The following SLC4A8 variants were observed in gnomAD, a reference collection of about 807,000 sequenced individuals.
The protein encoded by SLC4A8 is electroneutral sodium bicarbonate exchanger 1.
Under a neutral mutation model 125.0 loss-of-function variants are expected in SLC4A8, and 40 were observed. The ratio of observed to expected loss-of-function variants is 0.32; its 90% CI spans 0.25 to 0.42. The LOEUF is 0.42. SLC4A8 is among the 10% of genes least tolerant of loss of function. The pLI is 1.00. For synonymous variants in SLC4A8, 456 were observed against 476.0 expected, an observed-to-expected ratio of 0.96 and a Z score of 0.55; for missense variants, 863 against 1,355.1, an observed-to-expected ratio of 0.64 and a Z score of 5.70.
At chr12:51,464,946 G>A (rs532900916) in intron 11 of SLC4A8, among the ~76,000 whole-genome samples, 16 of 152,296 alleles carry the variant, frequency 1.1e-4, no homozygotes, top group Admixed American at 8.5e-4. Context: ...TGGAGGGTAG[G>A]GGAAGATAGC....
intron 19 of SLC4A8, among the ~76,000 whole-genome samples, chr12:51,491,683 G>A (rs899156447): frequency 1.3e-4 from 20 of 151,330 alleles, no homozygotes; most frequent in African/African-American, 3.9e-4. Context: ...TTACATGTAA[G>A]TTAAATTACA....
In SLC4A8 at chr12:51,507,454, T is replaced by C. The variant is rs1592286688; in HGVS notation, c.*16T>C. On this transcript the variant is annotated 3_prime_UTR_variant, in exon 25 of 25. Coordinates refer to ENST00000453097, the MANE Select transcript of SLC4A8 (RefSeq NM_001039960.3). Reference sequence around the variant, plus strand: ...CTTCAACTAAGAGTCTTTGCTGGGATGGAAGATTTGGGCCGTGTGGTGCCT... The same window carrying C: ...CTTCAACTAAGAGTCTTTGCTGGGACGGAAGATTTGGGCCGTGTGGTGCCT... 2 of 1,390,118 alleles carry C rather than the reference T, an allele frequency of 1.4e-6. No individual in the cohort carries two copies. The highest frequency in any genetic ancestry group is 2.7e-5 in the Admixed American group (1 of 37,090). 86.1% of individuals were successfully genotyped at this position (1,390,118 alleles called of 1,614,324 possible). A position where few individuals can be genotyped will look rare whatever the true frequency, so the allele number is the denominator to read the frequency against.
chr12:51,479,968 AATT>A, intron 16 of SLC4A8: 1 of 343,388 alleles, frequency 2.9e-6, no homozygotes, highest in South Asian at 1.9e-5. Context: ...GTATAAATGG[AATT>A]TTTTTTTTTT....
chr12:51,493,662 A>G (rs1236564752), intron 19 of SLC4A8, 42 bp from the exon 20 acceptor site: 2 of 1,323,734 alleles, frequency 1.5e-6, no homozygotes, highest in Admixed American at 1.7e-5. Flanking sequence ...GTGCTATGAT[A>G]CCAAATTTAA....
At chr12:51,434,862 T>C (rs1470578593) in intron 1 of SLC4A8, among the ~76,000 whole-genome samples, 1 of 152,218 alleles carries the variant, frequency 6.6e-6, no homozygotes, top group East Asian at 1.9e-4. Context: ...TATATAGTTT[T>C]ATGAGAAAAC....
chr12:51,500,788 G>A (rs1440233595), intron 22 of SLC4A8, among the ~76,000 whole-genome samples: 1 of 150,928 alleles, frequency 6.6e-6, no homozygotes, highest in African/African-American at 2.4e-5. Flanking sequence ...CCGGGTTCAC[G>A]CCATTCTCCT....
chr12:51,424,283 T>G (rs567032282), upstream of SLC4A8, among the ~76,000 whole-genome samples: 1 of 152,076 alleles, frequency 6.6e-6, no homozygotes, highest in Non-Finnish European at 1.5e-5. Flanking sequence ...TTTTGTGGAA[T>G]TGCTTCAACA....
chr12:51,453,088 G>A (rs564516225), intron 4 of SLC4A8, among the ~76,000 whole-genome samples: 23 of 152,220 alleles, frequency 1.5e-4, no homozygotes, highest in Middle Eastern at 3.4e-3. Context: ...GGTCACACAG[G>A]ACAATGATAA....
chr12:51,400,073 G>C (rs943312729), intron 1 of SLC4A8, among the ~76,000 whole-genome samples: 1 of 152,024 alleles, frequency 6.6e-6, no homozygotes, highest in Non-Finnish European at 1.5e-5. Flanking sequence ...TGGGTGGAGT[G>C]GGCAGAGGCC....
chr12:51,444,439 G>C (rs922922502), intron 2 of SLC4A8, among the ~76,000 whole-genome samples: 4 of 152,144 alleles, frequency 2.6e-5, no homozygotes, highest in African/African-American at 9.7e-5. Flanking sequence ...CAAAAGACAG[G>C]CATTGCGATT....
intron 22 of SLC4A8, among the ~76,000 whole-genome samples, chr12:51,498,118 A>G (rs536618263): frequency 7.5e-4 from 114 of 152,130 alleles, no homozygotes; most frequent in Non-Finnish European, 1.3e-3. Flanking sequence ...ATTTCTAAAT[A>G]AGCTTCAACA....
intron 22 of SLC4A8, chr12:51,497,567 ACT>A: frequency 6.3e-6 from 1 of 157,612 alleles, no homozygotes; most frequent in Non-Finnish European, 1.4e-5. Context: ...TTCCCTCAGC[ACT>A]TGGCATCTTG....
chr12:51,394,529 G>GT (rs1948222422), intron 1 of SLC4A8, among the ~76,000 whole-genome samples: 1 of 152,152 alleles, frequency 6.6e-6, no homozygotes, highest in African/African-American at 2.4e-5. Flanking sequence ...TCGAAAAATG[G>GT]TTTTTTAGGC....
At chr12:51,500,931 A>G (rs987070490) in intron 22 of SLC4A8, among the ~76,000 whole-genome samples, 1 of 150,680 alleles carries the variant, frequency 6.6e-6, no homozygotes, top group African/African-American at 2.4e-5. Flanking sequence ...CACAACGTGC[A>G]GGTTTGTTAC....
chr12:51,457,111 A>C (rs1177531837), intron 5 of SLC4A8, among the ~76,000 whole-genome samples: 1 of 152,216 alleles, frequency 6.6e-6, no homozygotes, highest in Non-Finnish European at 1.5e-5. Flanking sequence ...AAATTGTTGT[A>C]CTAGTGCTCA....
At chr12:51,407,402 T>A (rs1394591314) in intron 1 of SLC4A8, among the ~76,000 whole-genome samples, 1 of 151,948 alleles carries the variant, frequency 6.6e-6, no homozygotes, top group African/African-American at 2.4e-5. Context: ...ACTACAGGCA[T>A]GCATCACCAT....
intron 3 of SLC4A8, among the ~76,000 whole-genome samples, chr12:51,451,912 G>T (rs1183128659): frequency 1.3e-5 from 2 of 152,104 alleles, no homozygotes; most frequent in African/African-American, 2.4e-5. Context: ...CCAGTTTCTC[G>T]TGGGTTTTCT....
chr12:51,395,665 C>T (rs907349), intron 1 of SLC4A8, among the ~76,000 whole-genome samples: 38,934 of 152,072 alleles, frequency 0.26, 5,317 homozygotes, highest in Non-Finnish European at 0.31. Flanking sequence ...CAAGGGATGC[C>T]GTGAACTTGC....
At position 51,510,683 on chromosome 12, in the gene SLC4A8, G is replaced by A. The variant is rs1938336574; in HGVS notation, c.*3245G>A. ...CTTTGTCCCCTCTCTTTCTTTTCAT[G>A]CAAGAGACTTTAAGGGTAACCTCTT... On this transcript the variant is annotated 3_prime_UTR_variant, in exon 25 of 25. Transcript: ENST00000453097. 1 of 152,154 alleles carries A rather than the reference G, an allele frequency of 6.6e-6. No individual in the cohort carries two copies. Among genetic ancestry groups the A allele is most frequent in the African/African-American group, 2.4e-5 (1 of 41,412 alleles). 9.4% of individuals were successfully genotyped at this position (152,154 alleles called of 1,614,324 possible). A position where few individuals can be genotyped will look rare whatever the true frequency, so the allele number is the denominator to read the frequency against.
Sources: allele counts gnomAD v4.1 joint callset (sites outside exome capture counted in the v4.1 genomes callset), GRCh38; gene constraint gnomAD v4.1.1; transcripts MANE v1.5; gene names NCBI Gene and HGNC (gene_info 2026-07-23, HGNC 2026-07-21).